Variants in AP2A1 observed in about 807,000 individuals in gnomAD.
AP2A1 encodes the protein adaptor related protein complex 2 subunit alpha 1.
In AP2A1, 21 loss-of-function variants were observed where a neutral mutation model predicts 107.3. That is an observed-to-expected ratio of 0.20 (90% CI 0.14 to 0.28). The LOEUF (loss-of-function observed/expected upper bound fraction) is 0.28. Ranked by LOEUF, AP2A1 falls within the 10% of genes least tolerant of loss-of-function variation. The pLI is 1.00. For missense variants in AP2A1, 873 were observed against 1,307.7 expected, an observed-to-expected ratio of 0.67 and a Z score of 5.13; for synonymous variants, 602 against 564.8, an observed-to-expected ratio of 1.07 and a Z score of -0.93.
intron 7 of AP2A1, among the ~76,000 whole-genome samples, 152 bp downstream of exon 7, chr19:49,795,890 C>T (rs921942011): frequency 6.6e-6 from 1 of 152,144 alleles, no homozygotes; most frequent in African/African-American, 2.4e-5. Flanking sequence ...CGTGGCTGCA[C>T]TCGGGGAGGC....
intron 4 of AP2A1, among the ~76,000 whole-genome samples, chr19:49,787,887 T>C (rs1415936356): frequency 6.6e-6 from 1 of 152,228 alleles, no homozygotes; most frequent in Admixed American, 6.5e-5. Flanking sequence ...GTAGGTGGCC[T>C]TCTGTGTCTG....
Position 49,803,158 on chromosome 19 carries a change from C to A in AP2A1, c.2223C>A (p.Ile741=). Residue 741 remains isoleucine (I), a synonymous_variant, in exon 17 of 23, where the codon ATC becomes ATA. Transcript: ENST00000354293. ...GVLFENQLLQ[I]GVKSEFRQNL... ...TGTTCGAGAACCAGCTGCTGCAGAT[C>A]GGAGTCAAGTCAGAGTTCCGACAGA... 7.4e-6 allele frequency: 12 copies of A among 1,613,978 alleles called. No homozygotes were observed. The highest frequency in any genetic ancestry group is 1.0e-5 in the Non-Finnish European group (12 of 1,179,894).
intron 4 of AP2A1, among the ~76,000 whole-genome samples, chr19:49,791,657 AC>A (rs760043642): frequency 6.6e-6 from 1 of 152,118 alleles, no homozygotes; most frequent in Non-Finnish European, 1.5e-5. Flanking sequence ...CCCCATGGGC[AC>A]CCAGTAGGTG....
At chr19:49,783,125 T>G (rs12609447) in intron 4 of AP2A1, among the ~76,000 whole-genome samples, 2 of 152,154 alleles carry the variant, frequency 1.3e-5, no homozygotes, top group Non-Finnish European at 2.9e-5. Flanking sequence ...TGTCCAGAGA[T>G]GGACACGGTC....
chr19:49,795,586 C>CT, intron 6 of AP2A1, 44 bp from the exon 7 acceptor site: 10 of 727,760 alleles, frequency 1.4e-5, no homozygotes, highest in South Asian at 5.9e-5. Context: ...CCACGTGCCC[C>CT]TCCCACCCCA....
chr19:49,773,049 C>T (rs1190810404), intron 1 of AP2A1, among the ~76,000 whole-genome samples: 1 of 151,656 alleles, frequency 6.6e-6, no homozygotes, highest in Non-Finnish European at 1.5e-5. Context: ...GAGTGTGGAG[C>T]CAGCCAGCAG....
intron 4 of AP2A1, among the ~76,000 whole-genome samples, chr19:49,787,513 ATT>A (rs370766749): frequency 4.8e-4 from 62 of 128,972 alleles, no homozygotes; most frequent in Middle Eastern, 4.5e-3. Flanking sequence ...ACACCTGGCT[ATT>A]TTTTTTTTTT....
intron 1 of AP2A1, among the ~76,000 whole-genome samples, chr19:49,779,270 G>A (rs1428296243): frequency 6.7e-6 from 1 of 149,222 alleles, no homozygotes; most frequent in Non-Finnish European, 1.5e-5. Context: ...CTGGGAGGCA[G>A]AGGTTGCAGT....
Position 49,792,035 on chromosome 19 carries a change from G to T in AP2A1, c.574G>T (p.Val192Leu), listed in dbSNP as rs2073149485. 1.9e-6 allele frequency: 3 copies of T among 1,612,596 alleles called. No homozygotes were observed. Among genetic ancestry groups the T allele is most frequent in the Admixed American group, 1.7e-5 (1 of 59,908 alleles). The change falls in exon 5 of 23, where the codon GTG becomes TTG. Residue 192 changes from valine (V) to leucine (L), a missense_variant. Coordinates refer to ENST00000354293, the MANE Select transcript of AP2A1 (RefSeq NM_130787.3). ...LVPMGEWTAR[V>L]VHLLNDQHMG... ...GCCCATGGGCGAGTGGACGGCGCGT[G>T]TGGTACACCTGCTCAATGACCAGCA...
chr19:49,777,858 G>T (rs1022383952), intron 1 of AP2A1, among the ~76,000 whole-genome samples: 2 of 151,936 alleles, frequency 1.3e-5, no homozygotes, highest in Admixed American at 1.3e-4. Flanking sequence ...AGCCCAAGGG[G>T]CCAAGACTGC....
chr19:49,780,891 G>A (rs1342503338), intron 1 of AP2A1, among the ~76,000 whole-genome samples: 1 of 152,124 alleles, frequency 6.6e-6, no homozygotes, highest in Non-Finnish European at 1.5e-5. Context: ...TTAAAAGGAC[G>A]AGGCAGTAGC....
At chr19:49,802,206 T>C in intron 15 of AP2A1, 65 bp downstream of exon 15, 1 of 1,350,334 alleles carries the variant, frequency 7.4e-7, no homozygotes, top group South Asian at 1.2e-5. Flanking sequence ...TCTCGGCCTC[T>C]GTCCCCGTTT....
At chr19:49,773,256 G>T (rs1400352015) in intron 1 of AP2A1, among the ~76,000 whole-genome samples, 1 of 152,214 alleles carries the variant, frequency 6.6e-6, no homozygotes, top group Non-Finnish European at 1.5e-5. Flanking sequence ...CAAGGGCTGG[G>T]GCTGCCTCCT....
At chr19:49,783,223 T>C (rs1331967460) in intron 4 of AP2A1, among the ~76,000 whole-genome samples, 2 of 152,208 alleles carry the variant, frequency 1.3e-5, no homozygotes, top group African/African-American at 4.8e-5. Flanking sequence ...CCAGGTGCGA[T>C]GGCTCATGTA....
At chr19:49,799,898 G>C in intron 10 of AP2A1, 70 bp from the exon 11 acceptor site, 1 of 1,582,490 alleles carries the variant, frequency 6.3e-7, no homozygotes, top group East Asian at 2.3e-5. Context: ...GCAGTGGTGA[G>C]CCCAGATCCA....
chr19:49,786,179 C>T (rs2084734636), intron 4 of AP2A1, among the ~76,000 whole-genome samples: 1 of 152,020 alleles, frequency 6.6e-6, no homozygotes, highest in African/African-American at 2.4e-5. Context: ...CTCAAGAGGC[C>T]CAGGCTGCAG....
rs1315665531 is a variant in AP2A1 at position 49,803,674 on chromosome 19, A to C, written c.2344+298A>C. On this transcript the variant is annotated intron_variant, in intron 18 of 22. Coordinates refer to ENST00000354293, the MANE Select transcript of AP2A1 (RefSeq NM_130787.3). Reference sequence around the variant, plus strand: ...CTGCCATCGTCCTCCACTGGGCTCCATGTCATGATGCCAGCACCGCCTGCA... The same window carrying C: ...CTGCCATCGTCCTCCACTGGGCTCCCTGTCATGATGCCAGCACCGCCTGCA... 3 of 437,790 alleles carry C rather than the reference A, an allele frequency of 6.9e-6. No homozygotes were observed. In the East Asian group the frequency reaches 1.5e-4, roughly 22 times the overall value. The allele number at this position is 437,790 out of a possible 1,614,324, so 27.1% of individuals were successfully genotyped here.
At chr19:49,786,062 A>G (rs1307744117) in intron 4 of AP2A1, among the ~76,000 whole-genome samples, 1 of 152,104 alleles carries the variant, frequency 6.6e-6, no homozygotes, top group Non-Finnish European at 1.5e-5. Context: ...CCCGAGTGAC[A>G]GAGTGAGACT....
chr19:49,805,468 C>G lies in AP2A1; in HGVS notation c.2360C>G (p.Thr787Ser). 1 of 1,548,490 alleles carries G rather than the reference C, an allele frequency of 6.5e-7. No homozygotes were observed. The highest frequency in any genetic ancestry group is 8.7e-7 in the Non-Finnish European group (1 of 1,145,570). ...GDLQTQLAVQ[T>S]KRVAAQVDGG... is the part of the protein sequence containing the mutation. ...TGGCGGGCACAGCTGGCTGTGCAGA[C>G]CAAGCGCGTGGCGGCGCAGGTGGAC... The change falls in exon 19 of 23, where the codon ACC (threonine) becomes AGC (serine). Residue 787 changes from threonine to serine, a missense_variant. By Grantham distance (58) the Thr-to-Ser change is moderately conservative. Transcript: ENST00000354293.
Sources: gnomAD v4.1 joint callset for allele counts (sites outside exome capture counted in the v4.1 genomes callset) on GRCh38, gnomAD v4.1.1 for gene constraint, MANE v1.5 for transcripts, NCBI Gene and HGNC (gene_info 2026-07-23, HGNC 2026-07-21) for gene names.